SPOCK1: variants seen among roughly 807,000 people sequenced by gnomAD.
SPOCK1 encodes SPARC (osteonectin), cwcv and kazal like domains proteoglycan 1, also known as testican-1.
A neutral mutation model predicts 55.3 loss-of-function variants in SPOCK1; 23 were observed. That is an observed-to-expected ratio of 0.42 (90% confidence interval 0.30 to 0.59). The LOEUF is 0.59. SPOCK1 is among the 20% of genes least tolerant of loss of function. The pLI is 0.22. For synonymous variants in SPOCK1, 226 were observed against 221.0 expected (o/e 1.02, Z -0.20); for missense variants, 499 against 552.5 (o/e 0.90, Z 0.97).
chr5:137,298,445 A>G (rs991211978), intron 2 of SPOCK1, among the ~76,000 whole-genome samples: 1 of 152,208 alleles, frequency 6.6e-6, no homozygotes. Context: ...TTCCACAAGC[A>G]CTTATTAAAA....
At chr5:137,012,906 A>G (rs549136806) in intron 6 of SPOCK1, among the ~76,000 whole-genome samples, 1 of 152,376 alleles carries the variant, frequency 6.6e-6, no homozygotes, top group East Asian at 1.9e-4. Flanking sequence ...CTGCGAAGGC[A>G]TTAAAAATTT....
chr5:137,365,757 T>C (rs1485721779), intron 2 of SPOCK1, among the ~76,000 whole-genome samples: 1 of 152,214 alleles, frequency 6.6e-6, no homozygotes, highest in Non-Finnish European at 1.5e-5. Flanking sequence ...TAAAAATCTC[T>C]TCAGAGCTCA....
intron 3 of SPOCK1, among the ~76,000 whole-genome samples, chr5:137,144,339 C>A (rs1754153228): frequency 6.6e-6 from 1 of 152,308 alleles, no homozygotes; most frequent in African/African-American, 2.4e-5. Flanking sequence ...AAACAAAAAA[C>A]CTCCAACCCA....
chr5:137,207,011 A>G (rs892718851), intron 3 of SPOCK1, among the ~76,000 whole-genome samples: 2 of 152,238 alleles, frequency 1.3e-5, no homozygotes, highest in Non-Finnish European at 2.9e-5. Flanking sequence ...TGTGAAGAAT[A>G]TGAGAGTAAG....
At position 137,490,030 on chromosome 5, in the gene SPOCK1, T is replaced by C. The variant is rs139876603; in HGVS notation, c.186+8343A>G. ...TTATTCCGTGATTGTTTGTCTACCA[T>C]ACTAGACCATAAATGCCAGGAAGGT... is the stretch of plus-strand genomic sequence containing the variant. On this transcript the variant is annotated intron_variant, in intron 2 of 10. Transcript: ENST00000394945. Among the ~76,000 whole-genome samples the C allele has an allele frequency of 1.6e-3, 246 of 152,372 alleles. 1 individual carries two copies. Among genetic ancestry groups the C allele is most frequent in the African/African-American group, 5.5e-3 (230 of 41,586 alleles).
chr5:136,992,674 GC>G, intron 6 of SPOCK1, 74 bp from the exon 7 acceptor site: 1 of 1,228,936 alleles, frequency 8.1e-7, no homozygotes, highest in Non-Finnish European at 1.2e-6. Flanking sequence ...TACTGGCAAA[GC>G]CACGTTCAAA....
chr5:137,440,668 T>C (rs959855516), intron 2 of SPOCK1, among the ~76,000 whole-genome samples: 2 of 152,280 alleles, frequency 1.3e-5, no homozygotes, highest in African/African-American at 4.8e-5. Flanking sequence ...GAAGTGTTGA[T>C]ATAAATGGAA....
intron 4 of SPOCK1, among the ~76,000 whole-genome samples, chr5:137,125,674 C>T (rs1753771303): frequency 6.6e-6 from 1 of 152,192 alleles, no homozygotes; most frequent in African/African-American, 2.4e-5. Flanking sequence ...ATGAGAAATA[C>T]ATTTCTGTTG....
chr5:137,081,606 C>T (rs147940927), intron 5 of SPOCK1, among the ~76,000 whole-genome samples: 3 of 152,266 alleles, frequency 2.0e-5, no homozygotes, highest in Non-Finnish European at 2.9e-5. Context: ...ATAAAGCCTG[C>T]GTATGTCCAT....
At chr5:137,187,802 G>A (rs1755104309) in intron 3 of SPOCK1, among the ~76,000 whole-genome samples, 1 of 152,178 alleles carries the variant, frequency 6.6e-6, no homozygotes, top group African/African-American at 2.4e-5. Flanking sequence ...AAGCTGTTCA[G>A]GTCACTTCCC....
chr5:137,417,460 C>T (rs1408927367), intron 2 of SPOCK1, among the ~76,000 whole-genome samples: 1 of 151,588 alleles, frequency 6.6e-6, no homozygotes, highest in Non-Finnish European at 1.5e-5. Flanking sequence ...AACCACCACA[C>T]CAATCAGTCA....
At chr5:137,265,518 G>T (rs965424862) in intron 3 of SPOCK1, among the ~76,000 whole-genome samples, 1 of 152,162 alleles carries the variant, frequency 6.6e-6, no homozygotes, top group Non-Finnish European at 1.5e-5. Context: ...ATTCTTCATA[G>T]ATAAAGTTTT....
intron 2 of SPOCK1, among the ~76,000 whole-genome samples, chr5:137,377,191 T>A (rs897024011): frequency 1.3e-5 from 2 of 152,336 alleles, no homozygotes; most frequent in African/African-American, 4.8e-5. Flanking sequence ...GATGAAGGTA[T>A]GCGCTTCAAG....
chr5:137,083,495 C>A (rs1338502132), intron 5 of SPOCK1, among the ~76,000 whole-genome samples: 1 of 152,148 alleles, frequency 6.6e-6, no homozygotes, highest in Non-Finnish European at 1.5e-5. Flanking sequence ...TCCATTTATT[C>A]AACTGATATT....
chr5:137,261,374 G>A (rs906663646), intron 3 of SPOCK1, among the ~76,000 whole-genome samples: 1 of 152,114 alleles, frequency 6.6e-6, no homozygotes, highest in Non-Finnish European at 1.5e-5. Flanking sequence ...TGGGCTGGTG[G>A]TTCCAGAAAC....
chr5:137,369,701 G>T (rs1039233706), intron 2 of SPOCK1, among the ~76,000 whole-genome samples: 8 of 152,224 alleles, frequency 5.3e-5, no homozygotes, highest in African/African-American at 1.9e-4. Context: ...TAAGATCAAG[G>T]TGCTGGCCAA....
chr5:137,437,818 GT>G (rs1258774864), intron 2 of SPOCK1, among the ~76,000 whole-genome samples: 1 of 152,148 alleles, frequency 6.6e-6, no homozygotes, highest in Non-Finnish European at 1.5e-5. Context: ...TAAGTCTACA[GT>G]TTGGTAGTGT....
Position 137,133,971 on chromosome 5 carries a change from G to A in SPOCK1, c.347+6609C>T, listed in dbSNP as rs146135641. Reference sequence around the variant, plus strand: ...ATGGGCTGGGGGTGGGGGGGGTAGCGGGGGGTGGCAGTTATCACTAAGGGA... The same window carrying A: ...ATGGGCTGGGGGTGGGGGGGGTAGCAGGGGGTGGCAGTTATCACTAAGGGA... On this transcript the variant is annotated intron_variant, in intron 4 of 10. Coordinates refer to ENST00000394945, the MANE Select transcript of SPOCK1 (RefSeq NM_004598.4). 9.4e-3 allele frequency among the ~76,000 whole-genome samples: 1,415 copies of A among 149,984 alleles called. 10 individuals carry two copies. Among genetic ancestry groups the A allele is most frequent in the Non-Finnish European group, 0.014 (972 of 67,450 alleles).
chr5:137,048,864 T>C (rs1170447696), intron 6 of SPOCK1, among the ~76,000 whole-genome samples: 1 of 74,462 alleles, frequency 1.3e-5, no homozygotes, highest in Non-Finnish European at 2.6e-5. Context: ...AGCATTTGCT[T>C]GTCTATAAAG....
Sources: allele counts gnomAD v4.1 joint callset (sites outside exome capture counted in the v4.1 genomes callset), GRCh38; gene constraint gnomAD v4.1.1; transcripts MANE v1.5; gene names NCBI Gene and HGNC (gene_info 2026-07-23, HGNC 2026-07-21).